FETUB: variants seen among roughly 807,000 people sequenced by gnomAD.
The protein encoded by FETUB is fetuin B.
A neutral mutation model predicts 30.9 loss-of-function variants in FETUB; 28 were observed. The observed-to-expected ratio is 0.90, with a 90% CI of 0.67 to 1.24. The LOEUF (loss-of-function observed/expected upper bound fraction) is 1.24. Among genes scored for constraint, FETUB ranks in the 50% most tolerant of loss-of-function variants. The pLI is 0.00. For synonymous variants in FETUB, 186 were observed against 175.9 expected (o/e 1.06, Z -0.45); for missense variants, 469 against 455.3 (o/e 1.03, Z -0.27).
At chr3:186,647,829 T>C (rs1717674552) in intron 5 of FETUB, among the ~76,000 whole-genome samples, 1 of 152,164 alleles carries the variant, frequency 6.6e-6, no homozygotes, top group Non-Finnish European at 1.5e-5. Context: ...AATACAGAAG[T>C]TTTAAATTTT....
chr3:186,640,643 G>A lies in FETUB; in HGVS notation c.183G>A (p.Val61=). The A allele has an allele frequency of 1.2e-6, 2 of 1,614,140 alleles. No homozygotes were observed. Among genetic ancestry groups the A allele is most frequent in the South Asian group, 2.2e-5 (2 of 91,080 alleles). Residue 61 remains valine (V), a synonymous_variant, in exon 1 of 7, where the codon GTG becomes GTA. Coordinates refer to ENST00000265029, the MANE Select transcript of FETUB (RefSeq NM_014375.3). ...DINKDRKDGY[V]LRLNRVNDAQ... Reference sequence around the variant, plus strand: ...ACAAAGACAGAAAGGATGGCTATGTGCTGAGACTCAACCGAGTGAACGACG... The same window carrying A: ...ACAAAGACAGAAAGGATGGCTATGTACTGAGACTCAACCGAGTGAACGACG...
intron 2 of FETUB, chr3:186,641,400 A>T: frequency 5.4e-6 from 2 of 368,140 alleles, no homozygotes; most frequent in Admixed American, 8.1e-5. Flanking sequence ...TACCTCCAAG[A>T]CCTTCCGTTA....
upstream of FETUB, among the ~76,000 whole-genome samples, chr3:186,636,939 C>T (rs548313558): frequency 2.6e-5 from 4 of 152,288 alleles, no homozygotes; most frequent in East Asian, 5.8e-4. Context: ...CTAGTTTCTC[C>T]CCTTGGTGCG....
chr3:186,647,526 CCATCCTACTGGG>C (rs1349399831), intron 5 of FETUB, among the ~76,000 whole-genome samples: 2 of 152,294 alleles, frequency 1.3e-5, no homozygotes, highest in Non-Finnish European at 2.9e-5. Flanking sequence ...TTGGTTATAG[CCATCCTACTGGG>C]CATGAATTGG....
chr3:186,644,910 C>T lies in FETUB; in HGVS notation c.584C>T (p.Ala195Val), dbSNP rs2108526755. The T allele has an allele frequency of 6.2e-7, 1 of 1,612,026 alleles. No individual in the cohort carries two copies. The highest frequency in any genetic ancestry group is 1.3e-5 in the African/African-American group (1 of 74,898). The change falls in exon 4 of 7, where the codon GCT becomes GTT. Residue 195 changes from alanine to valine, a missense_variant. Physicochemically the swap from Ala to Val is moderately conservative, Grantham distance 64 (BLOSUM62 0). Coordinates refer to ENST00000265029, the MANE Select transcript of FETUB (RefSeq NM_014375.3). Reference protein sequence around the residue: ...KQYSLFKVTRASSQWVVGPSY... With the variant: ...KQYSLFKVTRVSSQWVVGPSY... ...TATTCTCTCTTCAAAGTCACCAGGGCTTCTAGCCAGGTAAGGCTAAAACTG... is the reference window on the plus strand; with the variant it reads ...TATTCTCTCTTCAAAGTCACCAGGGTTTCTAGCCAGGTAAGGCTAAAACTG...
intron 1 of FETUB, 29 bp from the exon 2 acceptor site, chr3:186,641,001 G>A (rs771758875): frequency 3.6e-6 from 5 of 1,403,356 alleles, no homozygotes; most frequent in African/African-American, 1.4e-5. Flanking sequence ...CCTGTGAAAT[G>A]TATTGCATTT....
chr3:186,646,687 T>C (rs1016818680), intron 5 of FETUB, among the ~76,000 whole-genome samples: 6 of 152,172 alleles, frequency 3.9e-5, no homozygotes, highest in Non-Finnish European at 7.3e-5. Flanking sequence ...CAAAGTCAAA[T>C]AGGCCTTCAT....
rs1326971523 is a variant in FETUB at position 186,652,338 on chromosome 3, C to T, written c.856C>T (p.Gln286Ter). The T allele has an allele frequency of 6.2e-7, 1 of 1,609,812 alleles. No individual in the cohort carries two copies. The highest frequency in any genetic ancestry group is 8.5e-7 in the Non-Finnish European group (1 of 1,178,714). ...CCTTCCCAAGGTGGAAGAATCCCAG[C>T]AGAAAAACACCCCCCCAACAGACTC... ...TNLPKVEESQQKNTPPTDSPS... is the reference protein window; with the variant it reads ...TNLPKVEESQ The change falls in exon 7 of 7, where the codon CAG becomes TAG. Residue 286 changes from glutamine (Q) to a stop codon, truncating the protein, a stop_gained. Coordinates refer to ENST00000265029, the MANE Select transcript of FETUB (RefSeq NM_014375.3). LOFTEE classifies it low-confidence loss of function (END_TRUNC).
At chr3:186,640,992 C>G in intron 1 of FETUB, 38 bp from the exon 2 acceptor site, 1 of 1,330,422 alleles carries the variant, frequency 7.5e-7, no homozygotes, top group Non-Finnish European at 1.1e-6. Flanking sequence ...TTTCTACTTC[C>G]TGTGAAATGT....
chr3:186,644,804 A>G lies in FETUB; in HGVS notation c.478A>G (p.Thr160Ala). The change falls in exon 4 of 7, where the codon ACT (threonine) becomes GCT (alanine). Residue 160 changes from threonine to alanine, a missense_variant. Coordinates refer to ENST00000265029, the MANE Select transcript of FETUB (RefSeq NM_014375.3). ...TCPDCPSSIP[T>A]DSSNHQVLEA... is the part of the protein sequence containing the mutation. ...CCCTGACTGCCCAAGCTCCATACCCACTGACTCTTCCAATCACCAAGTGCT... is the reference window on the plus strand; with the variant it reads ...CCCTGACTGCCCAAGCTCCATACCCGCTGACTCTTCCAATCACCAAGTGCT... 1.9e-6 allele frequency: 3 copies of G among 1,613,900 alleles called. No homozygotes were observed. Among genetic ancestry groups the G allele is most frequent in the East Asian group, 4.5e-5 (2 of 44,880 alleles).
intron 6 of FETUB, 116 bp downstream of exon 6, chr3:186,651,417 C>A: frequency 1.4e-6 from 1 of 724,180 alleles, no homozygotes; most frequent in Non-Finnish European, 2.5e-6. Flanking sequence ...CACCACTTTG[C>A]GCAGGCTAGC....
intron 5 of FETUB, among the ~76,000 whole-genome samples, chr3:186,650,086 C>T (rs1717884862): frequency 7.5e-6 from 1 of 132,502 alleles, no homozygotes; most frequent in East Asian, 2.2e-4. Context: ...ATCGGCTTCA[C>T]ATATTTGCTA....
intron 4 of FETUB, among the ~76,000 whole-genome samples, chr3:186,645,852 G>A (rs546753388): frequency 2.0e-5 from 3 of 149,460 alleles, no homozygotes; most frequent in South Asian, 2.1e-4. Context: ...TCTGCCTCCC[G>A]AGTAGCTGGG....
At chr3:186,646,120 A>C in intron 4 of FETUB, 128 bp from the exon 5 acceptor site, 1 of 663,494 alleles carries the variant, frequency 1.5e-6, no homozygotes, top group Non-Finnish European at 2.7e-6. Context: ...TTTGCGGAAC[A>C]ACAGATATGT....
intron 6 of FETUB, among the ~76,000 whole-genome samples, chr3:186,651,659 C>T (rs113263106): frequency 2.6e-4 from 40 of 152,234 alleles, no homozygotes; most frequent in African/African-American, 8.7e-4. Flanking sequence ...GTGTTTATTG[C>T]GCACTTATTA....
At chr3:186,652,046 G>C (rs1216259215) in intron 6 of FETUB, among the ~76,000 whole-genome samples, 1 of 152,182 alleles carries the variant, frequency 6.6e-6, no homozygotes, top group Non-Finnish European at 1.5e-5. Flanking sequence ...CTCTGAAATT[G>C]TGAGACTTAC....
At chr3:186,640,228 T>A (rs1158301041), upstream of FETUB, 1 of 548,986 alleles carries the variant, frequency 1.8e-6, no homozygotes, top group Non-Finnish European at 3.3e-6. Flanking sequence ...AAACTTAAAT[T>A]CATTTGTATG....
rs1477757957 is a variant in FETUB at position 186,642,515 on chromosome 3, TA to T, written c.382del (p.Arg128GlufsTer5). The T allele has an allele frequency of 1.9e-6, 3 of 1,610,006 alleles. No homozygotes were observed. The highest frequency in any genetic ancestry group is 2.5e-6 in the Non-Finnish European group (3 of 1,176,886). ...KAIFYMNNPS[R>X]VLYLAAYNCT... ...CAATATTTTATATGAACAACCCAAG[TA>T]GAGTTCTCTATTTAGCTGCTTATAA... On this transcript the variant is annotated frameshift_variant, in exon 3 of 7. Coordinates refer to ENST00000265029, the MANE Select transcript of FETUB (RefSeq NM_014375.3). LOFTEE classifies it high-confidence loss of function.
chr3:186,640,314 G>A (rs1716926717), upstream of FETUB: 7 of 678,248 alleles, frequency 1.0e-5, no homozygotes, highest in Admixed American at 2.3e-5. Flanking sequence ...ACTGACTTAG[G>A]AAAATCCAAG....
Sources: gnomAD v4.1 joint callset for allele counts (sites outside exome capture counted in the v4.1 genomes callset) on GRCh38, gnomAD v4.1.1 for gene constraint, MANE v1.5 for transcripts, NCBI Gene and HGNC (gene_info 2026-07-23, HGNC 2026-07-21) for gene names.